Variants in NSMCE2 observed in about 807,000 individuals in gnomAD.
NSMCE2 encodes E3 SUMO-protein ligase NSE2.
NSMCE2 carries 24 observed loss-of-function variants against 23.8 expected under a neutral mutation model. That is an observed-to-expected ratio of 1.01 (90% CI 0.73 to 1.42). The LOEUF (loss-of-function observed/expected upper bound fraction) is 1.42, where lower values mean the gene tolerates loss of function less well. Ranked by LOEUF, NSMCE2 falls within the 40% of genes most tolerant of loss-of-function variation. NSMCE2 has a pLI of 0.00. For missense variants in NSMCE2, 284 were observed against 296.5 expected (o/e 0.96, Z 0.31); for synonymous variants, 92 against 94.1 (o/e 0.98, Z 0.13).
rs868092881 is a variant in NSMCE2 at position 125,284,167 on chromosome 8, A to G, written c.419-73052A>G. ...AGACTCCGGAAAAAGAAAAAAAAAAAAAGAATGACTCAAGTAAACATTTAG... is the reference window on the plus strand; with the variant it reads ...AGACTCCGGAAAAAGAAAAAAAAAAGAAGAATGACTCAAGTAAACATTTAG... On this transcript the variant is annotated intron_variant, in intron 5 of 7. Coordinates refer to ENST00000287437, the MANE Select transcript of NSMCE2 (RefSeq NM_173685.4). 5.1e-3 allele frequency among the ~76,000 whole-genome samples: 769 copies of G among 151,244 alleles called. 5 individuals are homozygous for G. The highest frequency in any genetic ancestry group is 0.018 in the African/African-American group (740 of 41,198).
At chr8:125,142,190 G>A (rs1820407288) in intron 3 of NSMCE2, among the ~76,000 whole-genome samples, 1 of 152,060 alleles carries the variant, frequency 6.6e-6, no homozygotes, top group Non-Finnish European at 1.5e-5. Flanking sequence ...TGTGAGCCAG[G>A]CCCTGTGCAG....
intron 5 of NSMCE2, among the ~76,000 whole-genome samples, chr8:125,343,201 A>G (rs970204277): frequency 1.3e-5 from 2 of 152,226 alleles, no homozygotes; most frequent in African/African-American, 4.8e-5. Context: ...GACATACTCC[A>G]GTCATTACAA....
chr8:125,119,601 T>C (rs1051617327), intron 3 of NSMCE2, among the ~76,000 whole-genome samples: 12 of 152,304 alleles, frequency 7.9e-5, no homozygotes, highest in African/African-American at 2.4e-4. Flanking sequence ...TCTTTGATCA[T>C]TGGAAATAAT....
chr8:125,352,334 G>A (rs541393190), intron 5 of NSMCE2, among the ~76,000 whole-genome samples: 9 of 152,012 alleles, frequency 5.9e-5, no homozygotes, highest in Admixed American at 4.6e-4. Context: ...AAAATTAGCC[G>A]AGGTGGTGGT....
At chr8:125,198,518 T>C (rs567782660) in intron 5 of NSMCE2, among the ~76,000 whole-genome samples, 1 of 152,340 alleles carries the variant, frequency 6.6e-6, no homozygotes, top group East Asian at 1.9e-4. Flanking sequence ...TGAACCAGCC[T>C]TGCATCCCAG....
In NSMCE2 at chr8:125,300,556, A is replaced by G. The variant is rs545256948; in HGVS notation, c.419-56663A>G. On this transcript the variant is annotated intron_variant, in intron 5 of 7. Coordinates refer to ENST00000287437, the MANE Select transcript of NSMCE2 (RefSeq NM_173685.4). ...AGTTATGGTATCTCAGTAAGTTGGC[A>G]CTGTTCCATTCAACAGTCATTTATT... Among the ~76,000 whole-genome samples the G allele has an allele frequency of 2.6e-5, 4 of 152,332 alleles. No homozygotes were observed. The South Asian group carries it at 8.3e-4, about 32-fold the overall frequency.
At chr8:125,186,025 G>C (rs554472202) in intron 5 of NSMCE2, among the ~76,000 whole-genome samples, 20 of 152,272 alleles carry the variant, frequency 1.3e-4, no homozygotes, top group African/African-American at 4.8e-4. Context: ...TAGGCCTGGG[G>C]TCAGTAAACT....
intron 5 of NSMCE2, among the ~76,000 whole-genome samples, chr8:125,235,114 G>A (rs758089363): frequency 3.3e-5 from 5 of 151,830 alleles, no homozygotes; most frequent in Admixed American, 6.6e-5. Flanking sequence ...GTTGGCACAC[G>A]CCTGTAATCC....
intron 3 of NSMCE2, among the ~76,000 whole-genome samples, chr8:125,109,154 T>C (rs1172559697): frequency 1.3e-5 from 2 of 152,206 alleles, no homozygotes; most frequent in Non-Finnish European, 2.9e-5. Context: ...AATACAGGCA[T>C]AATAGTGTAA....
At chr8:125,164,063 C>T (rs1284186835) in intron 4 of NSMCE2, among the ~76,000 whole-genome samples, 1 of 152,196 alleles carries the variant, frequency 6.6e-6, no homozygotes, top group Non-Finnish European at 1.5e-5. Flanking sequence ...AATATTTGCA[C>T]AGGGCTTACT....
chr8:125,262,281 C>T (rs182822450), intron 5 of NSMCE2, among the ~76,000 whole-genome samples: 2,275 of 151,886 alleles, frequency 0.015, 26 homozygotes, highest in Non-Finnish European at 0.025. Flanking sequence ...AAAAATTAGC[C>T]GGGCGTGGTG....
At chr8:125,357,873 G>T in intron 7 of NSMCE2, 55 bp downstream of exon 7, 1 of 1,264,208 alleles carries the variant, frequency 7.9e-7, no homozygotes, top group Non-Finnish European at 1.2e-6. Flanking sequence ...TTACTCAGAG[G>T]TGGCGTGTTC....
intron 5 of NSMCE2, among the ~76,000 whole-genome samples, chr8:125,344,874 AG>A (rs759478960): frequency 7.3e-4 from 111 of 152,200 alleles, no homozygotes; most frequent in Non-Finnish European, 1.2e-3. Context: ...TTTTAAAACC[AG>A]GAAAATTCTA....
intron 3 of NSMCE2, among the ~76,000 whole-genome samples, chr8:125,113,838 G>T (rs1255361991): frequency 1.3e-5 from 2 of 152,192 alleles, no homozygotes; most frequent in African/African-American, 4.8e-5. Flanking sequence ...CCCATTGGTT[G>T]TTCAGGGACT....
chr8:125,253,160 A>G (rs894206280), intron 5 of NSMCE2, among the ~76,000 whole-genome samples: 4 of 152,204 alleles, frequency 2.6e-5, no homozygotes, highest in Non-Finnish European at 4.4e-5. Flanking sequence ...GTAAAGCTAG[A>G]TTATATCTGA....
chr8:125,178,141 A>G (rs764582196), intron 4 of NSMCE2, among the ~76,000 whole-genome samples: 1 of 152,086 alleles, frequency 6.6e-6, no homozygotes, highest in Non-Finnish European at 1.5e-5. Flanking sequence ...AACAATAGTA[A>G]TCATTTTTTT....
chr8:125,193,110 A>G (rs1823436847), intron 5 of NSMCE2, among the ~76,000 whole-genome samples: 1 of 152,244 alleles, frequency 6.6e-6, no homozygotes, highest in South Asian at 2.1e-4. Context: ...AGGAGTTTTA[A>G]TAACATCAGG....
chr8:125,325,996 G>A, intron 5 of NSMCE2, among the ~76,000 whole-genome samples: 1 of 151,718 alleles, frequency 6.6e-6, no homozygotes, highest in Non-Finnish European at 1.5e-5. Context: ...GGTGGCTCAT[G>A]CCTGTAATCC....
chr8:125,251,411 C>T (rs1167535605), intron 5 of NSMCE2, among the ~76,000 whole-genome samples: 1 of 152,056 alleles, frequency 6.6e-6, no homozygotes, highest in Non-Finnish European at 1.5e-5. Context: ...AATGGGAAGA[C>T]AGTGATTTTT....
Sources: allele counts gnomAD v4.1 joint callset (sites outside exome capture counted in the v4.1 genomes callset), GRCh38; gene constraint gnomAD v4.1.1; transcripts MANE v1.5; gene names NCBI Gene and HGNC (gene_info 2026-07-23, HGNC 2026-07-21).